Variants in TTC7A observed in about 807,000 individuals in gnomAD.
TTC7A encodes tetratricopeptide repeat domain 7A.
A neutral mutation model predicts 103.7 loss-of-function variants in TTC7A; 110 were observed. The observed-to-expected ratio is 1.06, with a 90% CI of 0.91 to 1.24. The LOEUF is 1.24. TTC7A is among the 50% of genes most tolerant of loss of function. The pLI, the probability that TTC7A is intolerant of heterozygous loss-of-function variation, is 0.00. For synonymous variants in TTC7A, 521 were observed against 467.9 expected (o/e 1.11, Z -1.47); for missense variants, 1,340 against 1,116.3 (o/e 1.20, Z -2.86).
chr2:46,961,558 C>G (rs1672368559), intron 3 of TTC7A, among the ~76,000 whole-genome samples: 1 of 140,204 alleles, frequency 7.1e-6, no homozygotes, highest in Non-Finnish European at 1.6e-5. Flanking sequence ...ACCTGGGTGA[C>G]AGAGCAAGAC....
chr2:47,009,906 T>TG (rs1677851748), intron 10 of TTC7A, among the ~76,000 whole-genome samples: 1 of 34,116 alleles, frequency 2.9e-5, no homozygotes, highest in African/African-American at 9.7e-5. Context: ...TTTTTTTTGG[T>TG]GGTGGGGGGG....
At chr2:46,973,250 G>A (rs896682876) in intron 3 of TTC7A, among the ~76,000 whole-genome samples, 13 of 152,146 alleles carry the variant, frequency 8.5e-5, no homozygotes, top group African/African-American at 2.2e-4. Flanking sequence ...ACTTGTCCTC[G>A]CGTTTTATGG....
rs781774309 is a variant in TTC7A at position 46,975,000 on chromosome 2, C to A, written c.545C>A (p.Ser182Tyr). The A allele has an allele frequency of 1.9e-6, 3 of 1,613,914 alleles. No homozygotes were observed. Among genetic ancestry groups the A allele is most frequent in the Non-Finnish European group, 2.5e-6 (3 of 1,179,940 alleles). ...CTCTCTCTGGAACGCCTACCCAACTCCATCGCCTCCCGCTTCCGCCTGACA... is the reference window on the plus strand; with the variant it reads ...CTCTCTCTGGAACGCCTACCCAACTACATCGCCTCCCGCTTCCGCCTGACA... ...KGLSLERLPN[S>Y]IASRFRLTER... The change falls in exon 4 of 20, where the codon TCC becomes TAC. Residue 182 changes from serine (S) to tyrosine (Y), a missense_variant. By Grantham distance (144) the Ser-to-Tyr change is moderately radical. Transcript: ENST00000319190.
chr2:46,959,784 C>T (rs193043146), intron 3 of TTC7A, among the ~76,000 whole-genome samples: 2 of 152,186 alleles, frequency 1.3e-5, no homozygotes, highest in African/African-American at 2.4e-5. Context: ...GACATCAACC[C>T]GGGAGCCTGA....
chr2:47,073,312 A>C (rs1456746464), intron 19 of TTC7A, among the ~76,000 whole-genome samples: 1 of 151,970 alleles, frequency 6.6e-6, no homozygotes, highest in African/African-American at 2.4e-5. Context: ...ACTCCTTTCA[A>C]CCTCACCGCG....
intron 11 of TTC7A, 29 bp from the exon 12 acceptor site, chr2:47,021,833 T>C (rs763691911): frequency 1.9e-6 from 3 of 1,593,380 alleles, no homozygotes; most frequent in Non-Finnish European, 2.6e-6. Context: ...CAACCCCACC[T>C]CCATGACCTC....
At chr2:47,071,330 T>TG (rs1385003208) in intron 19 of TTC7A, 2 of 151,976 alleles carry the variant, frequency 1.3e-5, no homozygotes, top group East Asian at 3.9e-4. Flanking sequence ...CATCCCAGGG[T>TG]GGGGGGACAT....
intron 4 of TTC7A, among the ~76,000 whole-genome samples, chr2:46,977,418 G>A (rs1399147994): frequency 2.6e-5 from 4 of 152,192 alleles, no homozygotes; most frequent in African/African-American, 9.7e-5. Context: ...ATTAGACAAA[G>A]GAAATGGTAT....
chr2:47,050,072 G>C, intron 17 of TTC7A, 26 bp downstream of exon 17: 1 of 1,565,612 alleles, frequency 6.4e-7, no homozygotes, highest in Admixed American at 1.7e-5. Flanking sequence ...TTGGGCCACT[G>C]TGTGCATGGA....
intron 1 of TTC7A, chr2:46,917,162 AT>A (rs749992204): frequency 2.0e-3 from 1,395 of 695,150 alleles, no homozygotes; most frequent in Non-Finnish European, 3.0e-3. Flanking sequence ...ATAATCCCTA[AT>A]TTTTTTTTCT....
intron 5 of TTC7A, among the ~76,000 whole-genome samples, chr2:46,982,121 C>T (rs984712678): frequency 2.0e-5 from 3 of 152,172 alleles, no homozygotes; most frequent in East Asian, 3.8e-4. Flanking sequence ...ATCTGTAATC[C>T]GAGCACTTTG....
At chr2:47,037,783 C>T (rs1470111245) in intron 15 of TTC7A, among the ~76,000 whole-genome samples, 1 of 152,128 alleles carries the variant, frequency 6.6e-6, no homozygotes, top group Non-Finnish European at 1.5e-5. Context: ...GCACAGAGGA[C>T]CTAAGTAAGC....
intron 8 of TTC7A, among the ~76,000 whole-genome samples, chr2:47,002,921 C>T (rs1192265690): frequency 6.6e-6 from 1 of 152,138 alleles, no homozygotes; most frequent in Non-Finnish European, 1.5e-5. Context: ...GTCCCTAGGA[C>T]CCCCAGGGAG....
At chr2:46,971,118 C>G (rs1572766145) in intron 3 of TTC7A, among the ~76,000 whole-genome samples, 1 of 152,238 alleles carries the variant, frequency 6.6e-6, no homozygotes, top group South Asian at 2.1e-4. Context: ...CCAGTACCTA[C>G]TGTGTGCCAG....
rs537439953 is a variant in TTC7A at position 47,055,751 on chromosome 2, G to A, written c.2152+3871G>A. ...CAGCTCCCCAGTGCCAGACTCCTGT[G>A]GTCTGGTGCCGGTGCTCTGGCCCGC... On this transcript the variant is annotated intron_variant, in intron 18 of 19. Transcript: ENST00000319190. Among the ~76,000 whole-genome samples, 20 of 152,294 alleles carry A rather than the reference G, an allele frequency of 1.3e-4. No individual in the cohort carries two copies. In the South Asian group the frequency reaches 3.3e-3, roughly 25 times the overall value.
intron 8 of TTC7A, among the ~76,000 whole-genome samples, chr2:47,001,336 C>A (rs1485148602): frequency 6.6e-6 from 1 of 152,140 alleles, no homozygotes; most frequent in Non-Finnish European, 1.5e-5. Context: ...GGCAGAGGAG[C>A]CCCCAGGCAG....
At position 46,994,346 on chromosome 2, in the gene TTC7A, C is replaced by T. The variant is rs1355275380; in HGVS notation, c.844-11C>T. 6.2e-7 allele frequency: 1 copy of T among 1,609,990 alleles called. No homozygotes were observed. Among genetic ancestry groups the T allele is most frequent in the South Asian group, 1.1e-5 (1 of 90,568 alleles). ...ACTGTGCCTGGGTCCGAGTGCTTCC[C>T]TCTCTGCCAGATGGCGGCCAAGCAC... On this transcript the variant is annotated splice_polypyrimidine_tract_variant and intron_variant, in intron 6 of 19. Transcript: ENST00000319190.
At chr2:47,032,447 T>C (rs1680652402) in intron 15 of TTC7A, among the ~76,000 whole-genome samples, 1 of 152,174 alleles carries the variant, frequency 6.6e-6, no homozygotes, top group Non-Finnish European at 1.5e-5. Flanking sequence ...AACTCACCCA[T>C]GCAGACATCG....
chr2:47,058,325 C>T (rs1016842836), intron 18 of TTC7A, among the ~76,000 whole-genome samples: 7 of 152,208 alleles, frequency 4.6e-5, no homozygotes, highest in African/African-American at 1.7e-4. Flanking sequence ...ACTCAGAAAG[C>T]GTTGTATTTT....
Sources: gnomAD v4.1 joint callset for allele counts (sites outside exome capture counted in the v4.1 genomes callset) on GRCh38, gnomAD v4.1.1 for gene constraint, MANE v1.5 for transcripts, NCBI Gene and HGNC (gene_info 2026-07-23, HGNC 2026-07-21) for gene names.